Variants in SPOCK1 observed in about 807,000 individuals in gnomAD.
SPOCK1 encodes the protein testican-1.
SPOCK1 carries 23 observed loss-of-function variants against 55.3 expected under a neutral mutation model. The observed-to-expected ratio is 0.42, with a 90% CI of 0.30 to 0.59. The LOEUF is 0.59. SPOCK1 is among the 20% of genes least tolerant of loss of function. The pLI is 0.22. For missense variants in SPOCK1, 499 were observed against 552.5 expected (o/e 0.90, Z 0.97); for synonymous variants, 226 against 221.0 (o/e 1.02, Z -0.20).
chr5:137,225,123 AC>A (rs1755921137), intron 3 of SPOCK1, among the ~76,000 whole-genome samples: 1 of 151,970 alleles, frequency 6.6e-6, no homozygotes, highest in Non-Finnish European at 1.5e-5. Context: ...CACACAGGAA[AC>A]CCAGGTGATC....
At chr5:137,163,802 GACA>G (rs950164928) in intron 3 of SPOCK1, among the ~76,000 whole-genome samples, 1 of 152,120 alleles carries the variant, frequency 6.6e-6, no homozygotes, top group African/African-American at 2.4e-5. Context: ...GCTACTTCAG[GACA>G]ACATGTGACT....
chr5:137,473,274 G>T (rs1421226976), intron 2 of SPOCK1, among the ~76,000 whole-genome samples: 5 of 152,190 alleles, frequency 3.3e-5, no homozygotes, highest in Non-Finnish European at 5.9e-5. Context: ...AAATTCTGCA[G>T]CCCTATGAAA....
chr5:137,131,888 C>G (rs1250529819), intron 4 of SPOCK1, among the ~76,000 whole-genome samples: 6 of 142,834 alleles, frequency 4.2e-5, no homozygotes, highest in Admixed American at 7.1e-5. Flanking sequence ...AGGAGAATGG[C>G]GTGAACCCGG....
At chr5:137,160,557 T>TG (rs1754515034) in intron 3 of SPOCK1, among the ~76,000 whole-genome samples, 1 of 58,304 alleles carries the variant, frequency 1.7e-5, no homozygotes, top group African/African-American at 8.0e-5. Context: ...ATAATATATA[T>TG]TATATATTAT....
At chr5:137,180,667 A>G (rs1291015369) in intron 3 of SPOCK1, among the ~76,000 whole-genome samples, 1 of 152,036 alleles carries the variant, frequency 6.6e-6, no homozygotes, top group African/African-American at 2.4e-5. Flanking sequence ...AAGAACCCCC[A>G]CTGTTTAGTT....
intron 2 of SPOCK1, among the ~76,000 whole-genome samples, chr5:137,306,810 T>C (rs1287929546): frequency 6.6e-6 from 1 of 152,230 alleles, no homozygotes; most frequent in Non-Finnish European, 1.5e-5. Context: ...CACATAATTT[T>C]ACTCCTAAGC....
chr5:137,066,688 A>C (rs372538528), intron 6 of SPOCK1, among the ~76,000 whole-genome samples: 20 of 152,346 alleles, frequency 1.3e-4, no homozygotes, highest in East Asian at 5.8e-4. Context: ...CAATGAGATT[A>C]GCTTTTTAGA....
At chr5:137,228,705 G>A (rs1321474030) in intron 3 of SPOCK1, among the ~76,000 whole-genome samples, 1 of 152,102 alleles carries the variant, frequency 6.6e-6, no homozygotes, top group Non-Finnish European at 1.5e-5. Flanking sequence ...TTGCTTGAAT[G>A]TTACTCAGGT....
chr5:137,222,509 C>T (rs1755874401), intron 3 of SPOCK1, among the ~76,000 whole-genome samples: 1 of 152,168 alleles, frequency 6.6e-6, no homozygotes, highest in South Asian at 2.1e-4. Flanking sequence ...TAATCAGACT[C>T]TTAAAAGAAG....
chr5:137,411,099 G>A (rs1752201113), intron 2 of SPOCK1, among the ~76,000 whole-genome samples: 1 of 152,140 alleles, frequency 6.6e-6, no homozygotes, highest in African/African-American at 2.4e-5. Context: ...ACTGTACTGG[G>A]CCCCAATGAA....
intron 6 of SPOCK1, among the ~76,000 whole-genome samples, chr5:137,057,511 T>C (rs1375243816): frequency 6.6e-6 from 1 of 152,218 alleles, no homozygotes; most frequent in Admixed American, 6.5e-5. Flanking sequence ...CTTTGGGTTT[T>C]CAAACAGAGA....
At chr5:137,264,121 A>G (rs1014251165) in intron 3 of SPOCK1, among the ~76,000 whole-genome samples, 4 of 152,086 alleles carry the variant, frequency 2.6e-5, no homozygotes, top group African/African-American at 9.7e-5. Flanking sequence ...AGCTGAATTG[A>G]TAAGTCTGAC....
At chr5:137,262,339 G>A (rs1459467144) in intron 3 of SPOCK1, among the ~76,000 whole-genome samples, 1 of 152,110 alleles carries the variant, frequency 6.6e-6, no homozygotes, top group Non-Finnish European at 1.5e-5. Flanking sequence ...ACAGCATCAG[G>A]GAGCCTGGTC....
At chr5:137,484,400 G>A (rs769440701) in intron 2 of SPOCK1, among the ~76,000 whole-genome samples, 1 of 152,174 alleles carries the variant, frequency 6.6e-6, no homozygotes, top group Non-Finnish European at 1.5e-5. Flanking sequence ...CTGTTTCCCT[G>A]ACAAAACTCA....
chr5:137,152,397 TATAAAAC>T (rs1270023510), intron 3 of SPOCK1, among the ~76,000 whole-genome samples: 1 of 152,210 alleles, frequency 6.6e-6, no homozygotes, highest in African/African-American at 2.4e-5. Context: ...ATCATGCTAA[TATAAAAC>T]ATAAATCAGG....
intron 2 of SPOCK1, among the ~76,000 whole-genome samples, chr5:137,424,890 T>C (rs1265883540): frequency 6.6e-6 from 1 of 152,220 alleles, no homozygotes; most frequent in East Asian, 1.9e-4. Context: ...ATCTTGATGG[T>C]GGTGGTATTT....
At chr5:137,248,121 CA>C (rs1334279928) in intron 3 of SPOCK1, among the ~76,000 whole-genome samples, 1 of 152,140 alleles carries the variant, frequency 6.6e-6, no homozygotes, top group Non-Finnish European at 1.5e-5. Context: ...GATTAGCTAC[CA>C]ACAAACTTTT....
intron 6 of SPOCK1, among the ~76,000 whole-genome samples, chr5:137,023,960 ATTTTTTT>A (rs34202986): frequency 7.7e-6 from 1 of 129,908 alleles, no homozygotes; most frequent in Admixed American, 8.0e-5. Flanking sequence ...TCAATATAGT[ATTTTTTT>A]TTTTTTTTTT....
chr5:137,162,604 A>G (rs751807021), intron 3 of SPOCK1, among the ~76,000 whole-genome samples: 1 of 152,122 alleles, frequency 6.6e-6, no homozygotes, highest in Non-Finnish European at 1.5e-5. Context: ...TAGTGGGTTG[A>G]GGCCAGAGTG....
Sources: allele counts gnomAD v4.1 joint callset (sites outside exome capture counted in the v4.1 genomes callset), GRCh38; gene constraint gnomAD v4.1.1; transcripts MANE v1.5; gene names NCBI Gene and HGNC (gene_info 2026-07-23, HGNC 2026-07-21).